RASEF: variants seen among roughly 807,000 people sequenced by gnomAD.
The protein encoded by RASEF is RAS and EF-hand domain containing.
RASEF carries 68 observed loss-of-function variants against 90.1 expected under a neutral mutation model. The observed-to-expected ratio is 0.75, with a 90% CI of 0.62 to 0.92. The LOEUF (loss-of-function observed/expected upper bound fraction) is 0.92. RASEF is among the 40% of genes least tolerant of loss of function. The pLI, the probability that RASEF is intolerant of heterozygous loss-of-function variation, is 0.00. For synonymous variants in RASEF, 331 were observed against 345.2 expected (o/e 0.96, Z 0.46); for missense variants, 949 against 937.2 (o/e 1.01, Z -0.16).
chr9:83,165,648 A>C, the RASEF span, among the ~76,000 whole-genome samples: 1 of 152,130 alleles, frequency 6.6e-6, no homozygotes, highest in Non-Finnish European at 1.5e-5. Context: ...AAATCATAAA[A>C]ATTAGAGCAA....
chr9:83,147,830 G>C, the RASEF span, among the ~76,000 whole-genome samples: 1 of 152,014 alleles, frequency 6.6e-6, no homozygotes, highest in Admixed American at 6.6e-5. Context: ...AGCTGGAAAG[G>C]GGATGGAGTG....
chr9:83,007,333 C>T, intron 7 of RASEF, 104 bp downstream of exon 7: 3 of 885,714 alleles, frequency 3.4e-6, no homozygotes, highest in Non-Finnish European at 5.7e-6. Context: ...ACCTGCAAAC[C>T]CAGTGTTCAG....
intron 16 of RASEF, among the ~76,000 whole-genome samples, chr9:82,983,603 G>C (rs906385011): frequency 6.6e-6 from 1 of 152,200 alleles, no homozygotes; most frequent in African/African-American, 2.4e-5. Context: ...GTCAGTGCCT[G>C]ATGCCTCTCC....
intron 1 of RASEF, among the ~76,000 whole-genome samples, chr9:83,032,662 G>C (rs530642152): frequency 6.6e-5 from 10 of 152,142 alleles, no homozygotes; most frequent in Non-Finnish European, 1.3e-4. Context: ...AGTAGCAATG[G>C]CTAATTACTG....
In RASEF at chr9:83,004,504, T is replaced by C. The variant is rs1429585451; in HGVS notation, c.1196A>G (p.Tyr399Cys). Residue 399 changes from tyrosine (Y) to cysteine (C), a missense_variant, in exon 9 of 17, where the codon TAT becomes TGT. Physicochemically the swap from Tyr to Cys is radical, Grantham distance 194. Transcript: ENST00000376447. ...TTAAGACGAGTTAACATACCTGTCA[T>C]AGCCTAGAGGTTGAGGGGAATGACC... Reference protein sequence around the residue: ...FIGHSPQPLGYDRSSRSSYVD... With the variant: ...FIGHSPQPLGCDRSSRSSYVD... 4 of 1,587,976 alleles carry C rather than the reference T, an allele frequency of 2.5e-6. No individual in the cohort carries two copies. The South Asian group carries it at 3.3e-5, about 13-fold the overall frequency.
At chr9:83,190,257 G>C in the RASEF span, among the ~76,000 whole-genome samples, 1 of 152,116 alleles carries the variant, frequency 6.6e-6, no homozygotes, top group Non-Finnish European at 1.5e-5. Context: ...TAAACTATAT[G>C]TACAATATAA....
chr9:83,211,095 T>C, the RASEF span, among the ~76,000 whole-genome samples: 1 of 152,228 alleles, frequency 6.6e-6, no homozygotes, highest in Admixed American at 6.5e-5. Context: ...GTTCCAGTAA[T>C]GTCCTTTCTA....
chr9:83,092,508 T>A, the RASEF span, among the ~76,000 whole-genome samples: 1 of 151,832 alleles, frequency 6.6e-6, no homozygotes, highest in Non-Finnish European at 1.5e-5. Flanking sequence ...TCTGGAGTTG[T>A]TCGTTCCTCC....
upstream of RASEF, among the ~76,000 whole-genome samples, chr9:83,064,200 T>C (rs937490231): frequency 6.6e-6 from 1 of 152,252 alleles, no homozygotes; most frequent in African/African-American, 2.4e-5. Context: ...TCTGGGGAAC[T>C]ATTTCCTCTT....
At chr9:82,998,719 G>A (rs1047517912) in intron 12 of RASEF, among the ~76,000 whole-genome samples, 1 of 151,992 alleles carries the variant, frequency 6.6e-6, no homozygotes, top group African/African-American at 2.4e-5. Flanking sequence ...CCTGATGACT[G>A]GATGAACTCA....
chr9:83,175,074 A>C, the RASEF span, among the ~76,000 whole-genome samples: 1 of 152,120 alleles, frequency 6.6e-6, no homozygotes, highest in Non-Finnish European at 1.5e-5. Context: ...ATGAATAGAG[A>C]TAGTTTTAAT....
chr9:83,133,505 T>C, the RASEF span, among the ~76,000 whole-genome samples: 6 of 151,312 alleles, frequency 4.0e-5, no homozygotes, highest in African/African-American at 7.4e-5. Context: ...AATTAGTCAC[T>C]ATATGAATAC....
chr9:83,011,550 C>CAAAAAAAAA lies in RASEF; in HGVS notation c.843+875_843+883dup, dbSNP rs71363083. Reference sequence around the variant, plus strand: ...CTGGTGACAGAGCAAGACTCCATCTCAAAAAAAAAAAAAAAAAAAAAAAAA... The same window carrying CAAAAAAAAA: ...CTGGTGACAGAGCAAGACTCCATCTCAAAAAAAAAAAAAAAAAAAAAAAAAAAAAAAAAA... On this transcript the variant is annotated intron_variant, in intron 5 of 16. Coordinates refer to ENST00000376447, the MANE Select transcript of RASEF (RefSeq NM_152573.4). Among the ~76,000 whole-genome samples, 3 of 28,114 alleles carry CAAAAAAAAA rather than the reference C, an allele frequency of 1.1e-4. 1 individual carries two copies. The highest frequency in any genetic ancestry group is 4.1e-4 in the African/African-American group (3 of 7,386). 18.4% of individuals were successfully genotyped at this position (28,114 alleles called of 152,430 possible). A position where few individuals can be genotyped will look rare whatever the true frequency, so the allele number is the denominator to read the frequency against.
chr9:83,024,344 A>G (rs7019227), intron 2 of RASEF, among the ~76,000 whole-genome samples: 82,170 of 152,040 alleles, frequency 0.54, 22,484 homozygotes, highest in East Asian at 0.73. Flanking sequence ...TTTTTTCCTC[A>G]TAGGTTTACA....
At chr9:83,150,534 C>T in the RASEF span, among the ~76,000 whole-genome samples, 1 of 152,014 alleles carries the variant, frequency 6.6e-6, no homozygotes, top group East Asian at 1.9e-4. Flanking sequence ...ACCACAAGGG[C>T]AAATTATTTT....
At chr9:83,149,326 T>G in the RASEF span, among the ~76,000 whole-genome samples, 6 of 152,206 alleles carry the variant, frequency 3.9e-5, no homozygotes, top group East Asian at 1.2e-3. Context: ...TAGTGGCCCT[T>G]GATTAATGCT....
chr9:83,011,757 A>C (rs1324478159), intron 5 of RASEF, among the ~76,000 whole-genome samples: 1 of 152,040 alleles, frequency 6.6e-6, no homozygotes, highest in Non-Finnish European at 1.5e-5. Flanking sequence ...TAACTCTACA[A>C]GAATGTCATT....
upstream of RASEF, among the ~76,000 whole-genome samples, chr9:83,067,832 C>T (rs1830294638): frequency 6.6e-6 from 1 of 152,172 alleles, no homozygotes; most frequent in South Asian, 2.1e-4. Context: ...TCTCATCCAT[C>T]TTGCTCCTCT....
chr9:83,178,328 T>C, the RASEF span, among the ~76,000 whole-genome samples: 12 of 152,208 alleles, frequency 7.9e-5, no homozygotes, highest in Non-Finnish European at 1.3e-4. Context: ...TTCTCTCTTC[T>C]GGCACTATGG....
Sources: gnomAD v4.1 joint callset for allele counts (sites outside exome capture counted in the v4.1 genomes callset) on GRCh38, gnomAD v4.1.1 for gene constraint, MANE v1.5 for transcripts, NCBI Gene and HGNC (gene_info 2026-07-23, HGNC 2026-07-21) for gene names.